MARCHF2: variants seen among roughly 807,000 people sequenced by gnomAD.
The protein encoded by MARCHF2 is membrane associated ring-CH-type finger 2.
Under a neutral mutation model 24.0 loss-of-function variants are expected in MARCHF2, and 22 were observed. The ratio of observed to expected loss-of-function variants is 0.92; its 90% CI spans 0.66 to 1.31. The LOEUF (loss-of-function observed/expected upper bound fraction) is 1.31. Ranked by LOEUF, MARCHF2 falls within the 50% of genes most tolerant of loss-of-function variation. The pLI is 0.00. For missense variants in MARCHF2, 301 were observed against 335.3 expected (o/e 0.90, Z 0.80); for synonymous variants, 154 against 153.0 (o/e 1.01, Z -0.05).
intron 1 of MARCHF2, among the ~76,000 whole-genome samples, chr19:8,420,343 C>T (rs993722635): frequency 2.8e-5 from 4 of 141,082 alleles, no homozygotes; most frequent in Admixed American, 7.1e-5. Context: ...AGTGAAACTC[C>T]ATCTTAAAAA....
chr19:8,422,002 C>A lies in MARCHF2; in HGVS notation c.162C>A (p.Ala54=). Residue 54 remains alanine (A), a synonymous_variant, in exon 2 of 5, where the codon GCC becomes GCA. Transcript: ENST00000215555. ...DGRLLSTVIR[A]LDTPSDGPFC... ...GGCTCCTCTCCACCGTCATCCGTGCCTTGGACACACCGAGGTGAGTGGTGA... is the reference window on the plus strand; with the variant it reads ...GGCTCCTCTCCACCGTCATCCGTGCATTGGACACACCGAGGTGAGTGGTGA... The A allele has an allele frequency of 6.2e-7, 1 of 1,611,706 alleles. No homozygotes were observed. The highest frequency in any genetic ancestry group is 1.3e-5 in the African/African-American group (1 of 74,992).
At position 8,426,735 on chromosome 19, in the gene MARCHF2, T is replaced by C; in HGVS notation, c.303T>C (p.Ser101=). 18 of 1,613,000 alleles carry C rather than the reference T, an allele frequency of 1.1e-5. No homozygotes were observed. Among genetic ancestry groups the C allele is most frequent in the Non-Finnish European group, 1.5e-5 (18 of 1,180,006 alleles). ...GTCTGGAGAAGTGGCTTTCCTCATCTAACACCAGCTACTGCGAGCTGTGCC... is the reference window on the plus strand; with the variant it reads ...GTCTGGAGAAGTGGCTTTCCTCATCCAACACCAGCTACTGCGAGCTGTGCC... The part of the protein sequence containing the change: ...KSCLEKWLSS[S]NTSYCELCHT... The change falls in exon 3 of 5, where the codon TCT becomes TCC. Residue 101 remains serine (S), a synonymous_variant. Transcript: ENST00000215555.
At chr19:8,421,225 C>T (rs959712514) in intron 1 of MARCHF2, among the ~76,000 whole-genome samples, 5 of 151,044 alleles carry the variant, frequency 3.3e-5, no homozygotes, top group East Asian at 3.9e-4. Flanking sequence ...TGGGTTCAAG[C>T]GATTGTCCCG....
intron 1 of MARCHF2, among the ~76,000 whole-genome samples, chr19:8,414,060 G>A (rs559564482): frequency 2.6e-5 from 4 of 152,298 alleles, no homozygotes; most frequent in Admixed American, 2.6e-4. Context: ...TGCTTCTCAT[G>A]CAGGGAGGAA....
chr19:8,426,230 CAAAA>C (rs71175854), intron 2 of MARCHF2, among the ~76,000 whole-genome samples: 1 of 43,296 alleles, frequency 2.3e-5, no homozygotes, highest in Admixed American at 3.4e-4. Context: ...GACTCTGTCT[CAAAA>C]AAAAAAAAAA....
rs781729162 is a variant in MARCHF2, at chr19:8,430,846, C to T, written c.561C>T (p.Thr187=). The T allele has an allele frequency of 2.5e-6, 4 of 1,608,208 alleles. No homozygotes were observed. The Admixed American group carries it at 5.0e-5, about 20-fold the overall frequency. ...TTGCCCTCACCATCGCCCTCTTCAC[C>T]ATCTATGTCCTCTGGACGCTGGTGA... ...GLIALTIALF[T]IYVLWTLVSF... Residue 187 remains threonine, a synonymous_variant, in exon 4 of 5, where the codon ACC becomes ACT. Transcript: ENST00000215555. This position sits in a 1 kb window ranked among gnomAD's most constrained non-coding sequence, Gnocchi z 4.4.
chr19:8,421,929 G>T lies in MARCHF2; in HGVS notation c.89G>T (p.Gly30Val). 1 of 1,613,856 alleles carries T rather than the reference G, an allele frequency of 6.2e-7. No individual in the cohort carries two copies. Among genetic ancestry groups the T allele is most frequent in the South Asian group, 1.1e-5 (1 of 91,004 alleles). Residue 30 changes from glycine (G) to valine (V), a missense_variant, in exon 2 of 5, where the codon GGC becomes GTC. Physicochemically the swap from Gly to Val is moderately radical, Grantham distance 109. Coordinates refer to ENST00000215555, the MANE Select transcript of MARCHF2 (RefSeq NM_001005415.2). ...PAFSKVVEAT[G>V]LGPPQYVAQV... ...TTCTCCAAGGTCGTGGAGGCTACGG[G>T]CCTCGGACCGCCCCAGTATGTGGCA...
intron 1 of MARCHF2, among the ~76,000 whole-genome samples, chr19:8,419,842 T>TAAAAATA (rs1316507494): frequency 7.5e-6 from 1 of 133,884 alleles, no homozygotes; most frequent in East Asian, 2.1e-4. Context: ...AATAAATAAA[T>TAAAAATA]AAAAATAAAA....
chr19:8,419,888 G>A (rs1363421193), intron 1 of MARCHF2, among the ~76,000 whole-genome samples: 1 of 149,554 alleles, frequency 6.7e-6, no homozygotes, highest in Non-Finnish European at 1.5e-5. Context: ...GCCGGGCGCA[G>A]TGGCTCACAC....
intron 2 of MARCHF2, among the ~76,000 whole-genome samples, chr19:8,422,570 TC>T (rs1170853859): frequency 6.6e-6 from 1 of 152,004 alleles, no homozygotes; most frequent in African/African-American, 2.4e-5. Flanking sequence ...TTTTTGTACT[TC>T]TAGCAGAGAC....
At chr19:8,434,256 T>A (rs1035056893) in intron 4 of MARCHF2, among the ~76,000 whole-genome samples, 10 of 151,950 alleles carry the variant, frequency 6.6e-5, no homozygotes, top group African/African-American at 2.4e-4. Context: ...AGCCAATTTT[T>A]ATATTTTTAG....
chr19:8,430,985 C>T lies in MARCHF2; in HGVS notation c.582+118C>T. On this transcript the variant is annotated intron_variant, in intron 4 of 4. Transcript: ENST00000215555. The surrounding 1 kb of genome is among the most constrained non-coding windows in gnomAD (Gnocchi z 4.4). ...GCTCCCTGGCTGCCTCTGTCTATGG[C>T]CGTGGGTGGAAGAGAGCTTCTGAGG... 1.9e-6 allele frequency: 2 copies of T among 1,030,892 alleles called. No individual in the cohort carries two copies. Among genetic ancestry groups the T allele is most frequent in the Non-Finnish European group, 2.8e-6 (2 of 718,608 alleles). The allele number at this position is 1,030,892 out of a possible 1,614,324, so 63.9% of individuals were successfully genotyped here. A position where few individuals can be genotyped will look rare whatever the true frequency, so the allele number is the denominator to read the frequency against.
chr19:8,428,582 G>A (rs921838810), intron 3 of MARCHF2, among the ~76,000 whole-genome samples: 22 of 146,168 alleles, frequency 1.5e-4, no homozygotes, highest in African/African-American at 5.0e-4. Context: ...GCTGGGAGGC[G>A]GAGTTTGCAG....
intron 3 of MARCHF2, among the ~76,000 whole-genome samples, chr19:8,428,991 T>G (rs1967499697): frequency 7.1e-6 from 1 of 141,088 alleles, no homozygotes; most frequent in African/African-American, 3.0e-5. Flanking sequence ...GGAGCCAGAG[T>G]GTAGGGAGAA....
At chr19:8,415,596 CGG>C (rs1568233549) in intron 1 of MARCHF2, among the ~76,000 whole-genome samples, 3 of 150,636 alleles carry the variant, frequency 2.0e-5, no homozygotes, top group African/African-American at 4.9e-5. Flanking sequence ...TGGAGGGCAC[CGG>C]TAATCCCAGC....
intron 1 of MARCHF2, among the ~76,000 whole-genome samples, chr19:8,415,735 CAA>C (rs1230223487): frequency 0.029 from 2,788 of 96,726 alleles, 378 homozygotes; most frequent in Non-Finnish European, 0.036. Context: ...AAAAAAAAAA[CAA>C]AAAAAACAAA....
chr19:8,430,594 C>T lies in MARCHF2; in HGVS notation c.373-64C>T. 7.4e-7 allele frequency: 1 copy of T among 1,353,524 alleles called. No homozygotes were observed. The highest frequency in any genetic ancestry group is 1.0e-6 in the Non-Finnish European group (1 of 959,208). The allele number at this position is 1,353,524 out of a possible 1,614,324, so 83.8% of individuals were successfully genotyped here. On this transcript the variant is annotated intron_variant, in intron 3 of 4. Coordinates refer to ENST00000215555, the MANE Select transcript of MARCHF2 (RefSeq NM_001005415.2). The surrounding 1 kb of genome is among the most constrained non-coding windows in gnomAD (Gnocchi z 4.4). ...GGAGGCCTAGGCCTGGAGGTCCTTA[C>T]CCCTCCCCCTCAGTAGCCCCTTCTC...
At chr19:8,424,961 A>G (rs958905867) in intron 2 of MARCHF2, among the ~76,000 whole-genome samples, 1 of 152,110 alleles carries the variant, frequency 6.6e-6, no homozygotes, top group Non-Finnish European at 1.5e-5. Flanking sequence ...AAGCTGGAGT[A>G]TAGTGGTACA....
chr19:8,426,857 G>A (rs943022438), intron 3 of MARCHF2, 53 bp downstream of exon 3: 89 of 1,546,932 alleles, frequency 5.8e-5, no homozygotes, highest in Non-Finnish European at 7.9e-5. Flanking sequence ...GGCAGACATG[G>A]GGGCCAAAGG....
Sources: gnomAD v4.1 joint callset for allele counts (sites outside exome capture counted in the v4.1 genomes callset) on GRCh38, gnomAD v4.1.1 for gene constraint, Gnocchi (gnomAD v3.1) non-coding constraint, MANE v1.5 for transcripts, NCBI Gene and HGNC (gene_info 2026-07-23, HGNC 2026-07-21) for gene names.